Variants in TSNARE1 observed in about 807,000 individuals in gnomAD.
TSNARE1 encodes t-SNARE domain containing 1, also known as t-SNARE domain-containing protein 1.
In TSNARE1, 49 loss-of-function variants were observed where a neutral mutation model predicts 62.0. The observed-to-expected ratio is 0.79, with a 90% CI of 0.63 to 1.00. The LOEUF is 1.00. Ranked by LOEUF, TSNARE1 falls within the 50% of genes least tolerant of loss-of-function variation. TSNARE1 has a pLI of 0.00. For synonymous variants in TSNARE1, 328 were observed against 294.4 expected (o/e 1.11, Z -1.17); for missense variants, 755 against 700.1 (o/e 1.08, Z -0.88).
chr8:142,241,101 G>A (rs1476639116), intron 12 of TSNARE1, among the ~76,000 whole-genome samples: 2 of 152,176 alleles, frequency 1.3e-5, no homozygotes, highest in Non-Finnish European at 1.5e-5. Flanking sequence ...CAGACGACAT[G>A]GTCTTACTGA....
At chr8:142,374,502 C>T (rs1283979705) in intron 1 of TSNARE1, among the ~76,000 whole-genome samples, 1 of 151,452 alleles carries the variant, frequency 6.6e-6, no homozygotes, top group Non-Finnish European at 1.5e-5. Context: ...CATGGTGAAA[C>T]CCCGTCTCTA....
intron 10 of TSNARE1, among the ~76,000 whole-genome samples, chr8:142,287,089 C>T (rs991564156): frequency 5.9e-5 from 9 of 152,246 alleles, no homozygotes; most frequent in Non-Finnish European, 1.3e-4. Flanking sequence ...CTACCACCAT[C>T]AACGCGGGGT....
At chr8:142,355,060 C>A (rs960598195) in intron 1 of TSNARE1, among the ~76,000 whole-genome samples, 1 of 152,208 alleles carries the variant, frequency 6.6e-6, no homozygotes, top group Non-Finnish European at 1.5e-5. Context: ...GCCCTCTGGC[C>A]GGCTCTTAAA....
chr8:142,227,023 C>T (rs1230924955), intron 13 of TSNARE1, among the ~76,000 whole-genome samples: 1 of 134,582 alleles, frequency 7.4e-6, no homozygotes, highest in Admixed American at 7.1e-5. Context: ...AGCCAAGCCC[C>T]CCACTGCACC....
At chr8:142,226,525 G>T (rs960604924) in intron 13 of TSNARE1, among the ~76,000 whole-genome samples, 7 of 152,130 alleles carry the variant, frequency 4.6e-5, no homozygotes, top group Non-Finnish European at 8.8e-5. Flanking sequence ...AGCTGGGAGG[G>T]GGACCCTGGT....
chr8:142,354,523 C>T (rs1834535643), intron 2 of TSNARE1, 114 bp downstream of exon 2: 1 of 733,826 alleles, frequency 1.4e-6, no homozygotes, highest in South Asian at 1.9e-5. Context: ...ACACAGGCCA[C>T]TTTCCTCAAA....
chr8:142,266,591 C>T (rs1819146839), intron 12 of TSNARE1, among the ~76,000 whole-genome samples: 1 of 152,228 alleles, frequency 6.6e-6, no homozygotes, highest in Non-Finnish European at 1.5e-5. Flanking sequence ...GAAATGTCGG[C>T]AAATTTGTCA....
intron 9 of TSNARE1, among the ~76,000 whole-genome samples, chr8:142,310,119 A>G (rs1242800255): frequency 1.3e-5 from 2 of 152,102 alleles, no homozygotes; most frequent in Non-Finnish European, 2.9e-5. Context: ...ATCTTGATTA[A>G]TCTTGTAGGG....
chr8:142,228,369 C>T (rs1046722339), intron 13 of TSNARE1, among the ~76,000 whole-genome samples: 4 of 152,242 alleles, frequency 2.6e-5, no homozygotes, highest in African/African-American at 4.8e-5. Context: ...CAGCCCTGCC[C>T]GGCTGCAGCC....
intron 4 of TSNARE1, among the ~76,000 whole-genome samples, chr8:142,338,865 G>A (rs1832141883): frequency 6.6e-6 from 1 of 152,204 alleles, no homozygotes; most frequent in African/African-American, 2.4e-5. Context: ...CCCCAGGGAA[G>A]GGAAGAATAG....
chr8:142,356,954 A>G (rs1297615578), intron 1 of TSNARE1, among the ~76,000 whole-genome samples: 1 of 152,026 alleles, frequency 6.6e-6, no homozygotes, highest in African/African-American at 2.4e-5. Context: ...CAAGAAAGGG[A>G]CTTTCAGAGA....
chr8:142,264,523 C>T (rs181023220), intron 12 of TSNARE1, among the ~76,000 whole-genome samples: 22 of 152,292 alleles, frequency 1.4e-4, no homozygotes, highest in Non-Finnish European at 2.8e-4. Context: ...TGAAACCTTC[C>T]GCTGTCCTGA....
At chr8:142,327,704 C>T (rs947354386) in intron 6 of TSNARE1, among the ~76,000 whole-genome samples, 25 of 152,156 alleles carry the variant, frequency 1.6e-4, no homozygotes, top group African/African-American at 5.1e-4. Context: ...CTGCAGGAGG[C>T]GGGGCTGTTA....
chr8:142,267,730 A>C (rs1414683538), intron 12 of TSNARE1, among the ~76,000 whole-genome samples: 1 of 152,178 alleles, frequency 6.6e-6, no homozygotes, highest in East Asian at 1.9e-4. Context: ...ACAGAATGCC[A>C]CATCCTATTT....
upstream of TSNARE1, chr8:142,404,853 T>A (rs1389742651): frequency 6.6e-6 from 1 of 152,276 alleles, no homozygotes; most frequent in Non-Finnish European, 1.5e-5. Context: ...GGCCGCCACC[T>A]CACTCAGCCT....
chr8:142,258,813 C>T (rs1025588843), intron 12 of TSNARE1, among the ~76,000 whole-genome samples: 12 of 152,188 alleles, frequency 7.9e-5, no homozygotes, highest in African/African-American at 2.2e-4. Flanking sequence ...TGAACCACCA[C>T]GCCCAGCCAG....
At chr8:142,277,435 C>T (rs933351531) in intron 11 of TSNARE1, 25 of 985,290 alleles carry the variant, frequency 2.5e-5, no homozygotes, top group Non-Finnish European at 2.5e-5. Context: ...GCCCCACAGC[C>T]GTGACCAGCC....
At chr8:142,293,893 C>T (rs1824239204) in intron 10 of TSNARE1, among the ~76,000 whole-genome samples, 1 of 152,192 alleles carries the variant, frequency 6.6e-6, no homozygotes, top group South Asian at 2.1e-4. Flanking sequence ...GGAGGGGCCA[C>T]ACTGGCCCAG....
chr8:142,377,757 A>G (rs961292781), intron 1 of TSNARE1, among the ~76,000 whole-genome samples: 4 of 152,246 alleles, frequency 2.6e-5, no homozygotes, highest in Non-Finnish European at 5.9e-5. Context: ...GCACCCCCAG[A>G]GCTCTGCTCC....
Sources: gnomAD v4.1 joint callset for allele counts (sites outside exome capture counted in the v4.1 genomes callset) on GRCh38, gnomAD v4.1.1 for gene constraint, MANE v1.5 for transcripts, NCBI Gene and HGNC (gene_info 2026-07-23, HGNC 2026-07-21) for gene names.